Variants in TLN2 observed in about 807,000 individuals in gnomAD.
TLN2 encodes talin-2.
Under a neutral mutation model 294.7 loss-of-function variants are expected in TLN2, and 118 were observed. The ratio of observed to expected loss-of-function variants is 0.40; its 90% CI spans 0.34 to 0.47. TLN2 has a LOEUF of 0.47. TLN2 is among the 20% of genes least tolerant of loss of function. TLN2 has a pLI of 0.84. For synonymous variants in TLN2, 1,431 were observed against 1,304.5 expected, an observed-to-expected ratio of 1.10 and a Z score of -2.09; for missense variants, 3,083 against 3,282.2, an observed-to-expected ratio of 0.94 and a Z score of 1.48.
intron 1 of TLN2, among the ~76,000 whole-genome samples, chr15:62,585,564 A>G (rs895816819): frequency 6.6e-6 from 1 of 152,122 alleles, no homozygotes; most frequent in Non-Finnish European, 1.5e-5. Context: ...GGTGACAGGC[A>G]TTTTAGGTGT....
At chr15:62,625,688 T>C (rs2049220840) in intron 3 of TLN2, among the ~76,000 whole-genome samples, 1 of 152,170 alleles carries the variant, frequency 6.6e-6, no homozygotes, top group African/African-American at 2.4e-5. Context: ...TTGATGCCGA[T>C]GGGCAGAGTG....
chr15:62,501,765 C>CT (rs2039321700), intron 1 of TLN2, among the ~76,000 whole-genome samples: 1 of 152,204 alleles, frequency 6.6e-6, no homozygotes. Flanking sequence ...ATTGCATGCT[C>CT]TGACTAATGA....
At chr15:62,718,597 C>T (rs2059930722) in intron 24 of TLN2, among the ~76,000 whole-genome samples, 2 of 152,152 alleles carry the variant, frequency 1.3e-5, no homozygotes, top group Non-Finnish European at 2.9e-5. Context: ...GAATGCACTC[C>T]AGGAAGAAAA....
chr15:62,748,013 G>A (rs958259511), intron 32 of TLN2, among the ~76,000 whole-genome samples: 3 of 152,022 alleles, frequency 2.0e-5, no homozygotes, highest in African/African-American at 4.8e-5. Flanking sequence ...TGGAAGGGGA[G>A]AAAGGAGAGG....
chr15:62,817,691 A>G (rs1449272787), intron 52 of TLN2, among the ~76,000 whole-genome samples: 2 of 152,132 alleles, frequency 1.3e-5, no homozygotes, highest in African/African-American at 2.4e-5. Context: ...TTCCTGAGAA[A>G]GACTGTGCTA....
intron 1 of TLN2, among the ~76,000 whole-genome samples, chr15:62,465,104 GTTTTTTTT>G (rs57890839): frequency 1.4e-4 from 12 of 85,516 alleles, no homozygotes; most frequent in Admixed American, 3.2e-4. Flanking sequence ...TGGTGAGCGC[GTTTTTTTT>G]TTTTTTTTTT....
At chr15:62,655,851 C>G (rs113251566) in intron 7 of TLN2, 93 bp from the exon 8 acceptor site, 1 of 1,390,810 alleles carries the variant, frequency 7.2e-7, no homozygotes, top group African/African-American at 1.4e-5. Context: ...ATCAGAGATA[C>G]AGAAATCTGC....
rs538044292 is a variant in TLN2 at position 62,398,323 on chromosome 15, T to C, written c.-238+7638T>C. Reference sequence around the variant, plus strand: ...CCTTCCACCATGTTTGTAAGTTTCCTGAGGCCCCCCAACTGCCCCCTGCCC... The same window carrying C: ...CCTTCCACCATGTTTGTAAGTTTCCCGAGGCCCCCCAACTGCCCCCTGCCC... On this transcript the variant is annotated intron_variant, in intron 1 of 58. Coordinates refer to ENST00000636159, the MANE Select transcript of TLN2 (RefSeq NM_015059.3). Among the ~76,000 whole-genome samples, 6 of 152,334 alleles carry C rather than the reference T, an allele frequency of 3.9e-5. No individual in the cohort carries two copies. The South Asian group carries it at 1.2e-3, about 32-fold the overall frequency.
intron 1 of TLN2, among the ~76,000 whole-genome samples, chr15:62,445,797 G>A (rs1449783787): frequency 6.6e-6 from 1 of 151,858 alleles, no homozygotes; most frequent in Non-Finnish European, 1.5e-5. Flanking sequence ...CCAAGTATCT[G>A]GAACTACAGG....
chr15:62,735,030 T>C (rs1231470020), intron 28 of TLN2, among the ~76,000 whole-genome samples: 1 of 152,212 alleles, frequency 6.6e-6, no homozygotes, highest in Non-Finnish European at 1.5e-5. Context: ...TTGCGTATTT[T>C]TCACGTAGAT....
chr15:62,513,214 G>A (rs946922239), intron 1 of TLN2, among the ~76,000 whole-genome samples: 4 of 152,114 alleles, frequency 2.6e-5, no homozygotes, highest in African/African-American at 9.7e-5. Context: ...TCCAGCCACA[G>A]CCCCCTCCTT....
chr15:62,501,778 G>A (rs1332565161), intron 1 of TLN2, among the ~76,000 whole-genome samples: 1 of 152,148 alleles, frequency 6.6e-6, no homozygotes, highest in African/African-American at 2.4e-5. Flanking sequence ...ACTAATGAAG[G>A]CTCACTGGGC....
chr15:62,771,383 A>T (rs897947941), intron 42 of TLN2, among the ~76,000 whole-genome samples: 1 of 152,362 alleles, frequency 6.6e-6, no homozygotes, highest in African/African-American at 2.4e-5. Context: ...AGAAAAATGT[A>T]TGGTGCGATG....
chr15:62,436,372 C>T (rs556252255), intron 1 of TLN2, among the ~76,000 whole-genome samples: 1 of 152,294 alleles, frequency 6.6e-6, no homozygotes, highest in Admixed American at 6.5e-5. Flanking sequence ...TGCGGGAGGA[C>T]CTGGTGTTCT....
rs192156457 is a variant in TLN2 at position 62,815,133 on chromosome 15, A to T, written c.6772-4383A>T. On this transcript the variant is annotated intron_variant, in intron 52 of 58. Transcript: ENST00000636159. ...ATTTGATTAGTTATTTGCAGGTGAT[A>T]GATTTAAAAAGCAATTAAAAACTGG... Among the ~76,000 whole-genome samples the T allele has an allele frequency of 3.6e-4, 55 of 151,878 alleles. 1 individual carries two copies. Among genetic ancestry groups the T allele is most frequent in the African/African-American group, 1.3e-3 (55 of 41,402 alleles).
intron 2 of TLN2, among the ~76,000 whole-genome samples, chr15:62,609,920 A>G (rs2047775070): frequency 6.6e-6 from 1 of 152,230 alleles, no homozygotes; most frequent in Admixed American, 6.5e-5. Context: ...TTATTTTGAC[A>G]TTCAAATTGT....
intron 1 of TLN2, among the ~76,000 whole-genome samples, chr15:62,517,995 C>A (rs886146901): frequency 6.6e-6 from 1 of 151,586 alleles, no homozygotes; most frequent in Non-Finnish European, 1.5e-5. Context: ...AAAGCACTGA[C>A]GTCAGACTGA....
intron 1 of TLN2, among the ~76,000 whole-genome samples, chr15:62,564,675 G>A (rs2043234925): frequency 6.6e-6 from 1 of 152,038 alleles, no homozygotes; most frequent in African/African-American, 2.4e-5. Flanking sequence ...GGGAGGTTGA[G>A]GCAGGTGGAT....
intron 1 of TLN2, among the ~76,000 whole-genome samples, chr15:62,432,564 A>T (rs1318787095): frequency 1.3e-5 from 2 of 152,168 alleles, no homozygotes; most frequent in Non-Finnish European, 2.9e-5. Context: ...CCATATTGAG[A>T]TGATGTATGT....
Sources: gnomAD v4.1 joint callset for allele counts (sites outside exome capture counted in the v4.1 genomes callset) on GRCh38, gnomAD v4.1.1 for gene constraint, MANE v1.5 for transcripts, NCBI Gene and HGNC (gene_info 2026-07-23, HGNC 2026-07-21) for gene names.